The following CCDC15 variants were observed in gnomAD, a reference collection of about 807,000 sequenced individuals.
CCDC15 encodes the protein coiled-coil domain containing 15.
Under a neutral mutation model 114.5 loss-of-function variants are expected in CCDC15, and 105 were observed. The ratio of observed to expected loss-of-function variants is 0.92; its 90% CI spans 0.78 to 1.08. The LOEUF (loss-of-function observed/expected upper bound fraction) is 1.08. CCDC15 is among the 50% of genes least tolerant of loss of function. CCDC15 has a pLI of 0.00. For synonymous variants in CCDC15, 334 were observed against 377.8 expected (o/e 0.88, Z 1.34); for missense variants, 1,105 against 1,093.6 (o/e 1.01, Z -0.15).
rs878887902 is a variant in CCDC15 at position 124,986,700 on chromosome 11, T to TGTGC, written c.754-41_754-40insTGCG. ...GTGTGTGTGTGTGTGTTTGTGTGTG[T>TGTGC]GCGCGCGCGCGCGTGCGCGTTTTCA... On this transcript the variant is annotated intron_variant, in intron 6 of 15. Coordinates refer to ENST00000344762, the MANE Select transcript of CCDC15 (RefSeq NM_025004.3). 6,097 of 1,346,670 alleles carry TGTGC rather than the reference T, an allele frequency of 4.5e-3. 98 individuals carry two copies. The highest frequency in any genetic ancestry group is 0.013 in the African/African-American group (828 of 61,420). 83.4% of individuals were successfully genotyped at this position (1,346,670 alleles called of 1,614,324 possible).
chr11:125,011,470 T>C (rs1948593072), intron 13 of CCDC15, among the ~76,000 whole-genome samples: 1 of 151,914 alleles, frequency 6.6e-6, no homozygotes. Context: ...ACTCCTGACC[T>C]CGTGATCCAC....
At chr11:124,969,362 T>C (rs996469473) in intron 4 of CCDC15, among the ~76,000 whole-genome samples, 1 of 152,172 alleles carries the variant, frequency 6.6e-6, no homozygotes, top group African/African-American at 2.4e-5. Context: ...TTGTTTTCAT[T>C]AGGACTGATA....
At chr11:125,009,629 G>A (rs1316136145) in intron 13 of CCDC15, among the ~76,000 whole-genome samples, 2 of 152,054 alleles carry the variant, frequency 1.3e-5, no homozygotes, top group Non-Finnish European at 2.9e-5. Context: ...GTACCCAATA[G>A]GTAATTTTCA....
At chr11:124,968,457 C>T (rs902634383) in intron 4 of CCDC15, among the ~76,000 whole-genome samples, 1 of 152,200 alleles carries the variant, frequency 6.6e-6, no homozygotes, top group Non-Finnish European at 1.5e-5. Flanking sequence ...TGGGACCTGC[C>T]AAGCCAGGTG....
rs183150607 is a variant in CCDC15 at position 124,968,443 on chromosome 11, G to T, written c.517-6653G>T. ...CGCTAGCAGTGAGCAAGGCTCTGTGGGTGTGGGACCTGCCAAGCCAGGTGC... is the reference window on the plus strand; with the variant it reads ...CGCTAGCAGTGAGCAAGGCTCTGTGTGTGTGGGACCTGCCAAGCCAGGTGC... On this transcript the variant is annotated intron_variant, in intron 4 of 15. Transcript: ENST00000344762. Among the ~76,000 whole-genome samples the T allele has an allele frequency of 1.1e-4, 17 of 152,338 alleles. No homozygotes were observed. In the East Asian group the frequency reaches 3.1e-3, roughly 28 times the overall value.
intron 11 of CCDC15, among the ~76,000 whole-genome samples, chr11:125,000,023 G>A (rs912986060): frequency 6.6e-6 from 1 of 151,534 alleles, no homozygotes; most frequent in African/African-American, 2.4e-5. Context: ...CACCACGCCT[G>A]GCTAATTTTT....
At chr11:125,029,547 A>G (rs942109717) in intron 13 of CCDC15, among the ~76,000 whole-genome samples, 12 of 152,252 alleles carry the variant, frequency 7.9e-5, no homozygotes, top group Non-Finnish European at 1.6e-4. Flanking sequence ...TTTTCTTAGT[A>G]CAGGAGTATA....
chr11:125,012,468 T>C (rs909005389), intron 13 of CCDC15, among the ~76,000 whole-genome samples: 1 of 152,106 alleles, frequency 6.6e-6, no homozygotes, highest in Non-Finnish European at 1.5e-5. Flanking sequence ...ATAATCTAAG[T>C]TGGGGAGGGA....
intron 13 of CCDC15, among the ~76,000 whole-genome samples, chr11:125,016,271 A>G (rs1462844869): frequency 2.6e-5 from 4 of 151,944 alleles, no homozygotes; most frequent in Non-Finnish European, 4.4e-5. Flanking sequence ...GGTGTTTAAT[A>G]TTCCCTTTGT....
intron 4 of CCDC15, among the ~76,000 whole-genome samples, chr11:124,961,466 A>G (rs901362743): frequency 2.0e-5 from 3 of 152,200 alleles, no homozygotes; most frequent in Non-Finnish European, 4.4e-5. Context: ...CAGTAGGGGA[A>G]GAATTCATGG....
intron 9 of CCDC15, 128 bp downstream of exon 9, chr11:124,991,711 T>G: frequency 2.5e-6 from 2 of 800,178 alleles, no homozygotes. Flanking sequence ...TCTGATGGAG[T>G]CTTTCTCTGT....
chr11:124,981,452 C>G (rs1215088832), intron 6 of CCDC15, among the ~76,000 whole-genome samples: 1 of 152,180 alleles, frequency 6.6e-6, no homozygotes, highest in Admixed American at 6.5e-5. Context: ...TCAAGTGATT[C>G]TCCTGCCTCA....
chr11:125,037,200 C>T (rs932017678), intron 13 of CCDC15, among the ~76,000 whole-genome samples: 2 of 152,114 alleles, frequency 1.3e-5, no homozygotes, highest in African/African-American at 4.8e-5. Context: ...GCTTTTATAA[C>T]TTGTTAGGTG....
intron 5 of CCDC15, among the ~76,000 whole-genome samples, chr11:124,976,715 G>A (rs944542069): frequency 6.6e-6 from 1 of 152,080 alleles, no homozygotes; most frequent in Admixed American, 6.6e-5. Flanking sequence ...TTTCCAGAAA[G>A]TGTACTATTC....
At chr11:125,025,692 A>C (rs1043195142) in intron 13 of CCDC15, among the ~76,000 whole-genome samples, 1 of 151,990 alleles carries the variant, frequency 6.6e-6, no homozygotes, top group Non-Finnish European at 1.5e-5. Flanking sequence ...TAAGTTGTCA[A>C]ATTAATTGAC....
chr11:125,011,051 C>T (rs1224316083), intron 13 of CCDC15, among the ~76,000 whole-genome samples: 2 of 151,892 alleles, frequency 1.3e-5, no homozygotes, highest in Non-Finnish European at 2.9e-5. Flanking sequence ...AATAAGGAGT[C>T]CTTTCCCTAA....
intron 13 of CCDC15, among the ~76,000 whole-genome samples, chr11:125,020,542 A>G (rs542809533): frequency 4.6e-5 from 7 of 152,124 alleles, no homozygotes; most frequent in Middle Eastern, 3.4e-3. Flanking sequence ...CAAACACCCA[A>G]TGCAGCACGT....
chr11:125,023,306 A>G (rs570173774), intron 13 of CCDC15, among the ~76,000 whole-genome samples: 1 of 152,134 alleles, frequency 6.6e-6, no homozygotes, highest in South Asian at 2.1e-4. Flanking sequence ...GAAAGAGAAG[A>G]TTGATAAGTT....
chr11:125,019,219 T>A (rs1948647226), intron 13 of CCDC15, among the ~76,000 whole-genome samples: 1 of 151,942 alleles, frequency 6.6e-6, no homozygotes, highest in Non-Finnish European at 1.5e-5. Flanking sequence ...AAGATCGTTA[T>A]ATATTAAGTC....
Sources: allele counts gnomAD v4.1 joint callset (sites outside exome capture counted in the v4.1 genomes callset), GRCh38; gene constraint gnomAD v4.1.1; transcripts MANE v1.5; gene names NCBI Gene and HGNC (gene_info 2026-07-23, HGNC 2026-07-21).